The following SPTBN1 variants were observed in gnomAD, a reference collection of about 807,000 sequenced individuals.
SPTBN1 encodes spectrin beta, non-erythrocytic 1, also known as spectrin beta chain, non-erythrocytic 1.
SPTBN1 carries 32 observed loss-of-function variants against 266.4 expected under a neutral mutation model. That is an observed-to-expected ratio of 0.12 (90% CI 0.09 to 0.16). The LOEUF (loss-of-function observed/expected upper bound fraction) is 0.16. Among genes scored for constraint, SPTBN1 ranks in the 10% least tolerant of loss-of-function variants. The pLI is 1.00. For missense variants in SPTBN1, 2,296 were observed against 3,067.1 expected, an observed-to-expected ratio of 0.75 and a Z score of 5.94; for synonymous variants, 1,336 against 1,162.2, an observed-to-expected ratio of 1.15 and a Z score of -3.04.
intron 1 of SPTBN1, among the ~76,000 whole-genome samples, chr2:54,463,836 A>G (rs1409592591): frequency 6.6e-6 from 1 of 152,234 alleles, no homozygotes; most frequent in Non-Finnish European, 1.5e-5. Context: ...ATGTCAAAAT[A>G]ATAGGAAAGG....
At chr2:54,518,636 A>G (rs1670254603) in intron 1 of SPTBN1, among the ~76,000 whole-genome samples, 1 of 152,174 alleles carries the variant, frequency 6.6e-6, no homozygotes, top group Non-Finnish European at 1.5e-5. Context: ...CAAGTCTTTT[A>G]TGAATAAAGT....
At chr2:54,490,107 G>A (rs923232223) in intron 1 of SPTBN1, among the ~76,000 whole-genome samples, 2 of 148,182 alleles carry the variant, frequency 1.3e-5, no homozygotes, top group Non-Finnish European at 3.0e-5. Context: ...GTGAGGCGGA[G>A]TTGCACTTGT....
intron 3 of SPTBN1, among the ~76,000 whole-genome samples, chr2:54,604,984 C>G (rs531233791): frequency 8.5e-5 from 13 of 152,302 alleles, no homozygotes; most frequent in African/African-American, 3.1e-4. Flanking sequence ...AGAAGTGACA[C>G]AGAAGTGCAC....
chr2:54,498,875 G>T (rs984709244), intron 1 of SPTBN1, among the ~76,000 whole-genome samples: 1 of 152,180 alleles, frequency 6.6e-6, no homozygotes. Context: ...TAATAAAAGG[G>T]TAACGGTCCC....
intron 2 of SPTBN1, among the ~76,000 whole-genome samples, chr2:54,590,690 G>A (rs1675615752): frequency 6.6e-6 from 1 of 152,198 alleles, no homozygotes; most frequent in Admixed American, 6.5e-5. Flanking sequence ...AAGCAAAGAT[G>A]GGAAAAAGCA....
intron 27 of SPTBN1, 52 bp from the exon 28 acceptor site, chr2:54,655,018 A>AT (rs1680554833): frequency 1.3e-6 from 2 of 1,567,294 alleles, no homozygotes; most frequent in African/African-American, 2.7e-5. Flanking sequence ...AAACCTACAC[A>AT]TTTTTTGAAA....
intron 2 of SPTBN1, among the ~76,000 whole-genome samples, chr2:54,566,883 G>A (rs1398471088): frequency 6.6e-6 from 1 of 152,150 alleles, no homozygotes; most frequent in African/African-American, 2.4e-5. Context: ...CAGAGAACCT[G>A]CCATTTAAAA....
intron 1 of SPTBN1, among the ~76,000 whole-genome samples, chr2:54,500,669 C>T (rs1258701950): frequency 6.6e-6 from 1 of 152,184 alleles, no homozygotes; most frequent in Non-Finnish European, 1.5e-5. Flanking sequence ...CCTCAGCCTC[C>T]TGTAGTAGCT....
chr2:54,579,901 A>G lies in SPTBN1; in HGVS notation c.149-19191A>G, dbSNP rs184368987. 8.5e-5 allele frequency among the ~76,000 whole-genome samples: 13 copies of G among 152,340 alleles called. No homozygotes were observed. In the East Asian group the frequency reaches 1.2e-3, roughly 14 times the overall value. Reference sequence around the variant, plus strand: ...ACTTTGGAAACAGGTTATAAACCCAAACCTCTGTGCTGAACTTGAATGGGT... The same window carrying G: ...ACTTTGGAAACAGGTTATAAACCCAGACCTCTGTGCTGAACTTGAATGGGT... On this transcript the variant is annotated intron_variant, in intron 2 of 35. Coordinates refer to ENST00000356805, the MANE Select transcript of SPTBN1 (RefSeq NM_003128.3).
chr2:54,505,768 G>C (rs975714103), intron 1 of SPTBN1, among the ~76,000 whole-genome samples: 3 of 152,270 alleles, frequency 2.0e-5, no homozygotes, highest in Middle Eastern at 3.4e-3. Flanking sequence ...TTCACATTGA[G>C]CTTGCCACGT....
Position 54,653,685 on chromosome 2 carries a change from G to A in SPTBN1, c.5654G>A (p.Arg1885His), listed in dbSNP as rs767197512. The change falls in exon 27 of 36, where the codon CGC (arginine) becomes CAC (histidine). Residue 1885 changes from arginine (R) to histidine (H), a missense_variant. This residue lies in a region of SPTBN1 where 644 missense variants were observed against 745.3 expected (regional missense o/e 0.86). Coordinates refer to ENST00000356805, the MANE Select transcript of SPTBN1 (RefSeq NM_003128.3). This position sits in a 1 kb window ranked among gnomAD's most constrained non-coding sequence, Gnocchi z 5.1. ...AGDKADDIQK[R>H]ENEVLEAWKS... is the part of the protein sequence containing the mutation. ...GACAAGGCCGACGATATCCAGAAGC[G>A]CGAGAACGAGGTCCTGGAAGCCTGG... 96 of 1,614,056 alleles carry A rather than the reference G, an allele frequency of 5.9e-5. No individual in the cohort carries two copies. The highest frequency in any genetic ancestry group is 1.3e-4 in the African/African-American group (10 of 74,928).
chr2:54,578,589 T>C (rs1386476167), intron 2 of SPTBN1, among the ~76,000 whole-genome samples: 3 of 152,220 alleles, frequency 2.0e-5, no homozygotes, highest in Non-Finnish European at 2.9e-5. Context: ...TCCTTACGTG[T>C]TCAGCCTTAC....
intron 1 of SPTBN1, among the ~76,000 whole-genome samples, chr2:54,486,858 T>C (rs1573250224): frequency 6.6e-6 from 1 of 152,214 alleles, no homozygotes; most frequent in East Asian, 1.9e-4. Context: ...CCAGGTGTGG[T>C]GGCAAGAGCC....
chr2:54,568,423 T>TG (rs1233501529), intron 2 of SPTBN1, among the ~76,000 whole-genome samples: 1 of 151,398 alleles, frequency 6.6e-6, no homozygotes, highest in Non-Finnish European at 1.5e-5. Flanking sequence ...CTAACTCCTA[T>TG]GAACAGACAA....
At chr2:54,603,451 A>G (rs1364716992) in intron 3 of SPTBN1, among the ~76,000 whole-genome samples, 1 of 152,188 alleles carries the variant, frequency 6.6e-6, no homozygotes, top group African/African-American at 2.4e-5. Flanking sequence ...CTTTACAGAA[A>G]ACAGTTACCA....
In SPTBN1 at chr2:54,655,907, C is replaced by A; in HGVS notation, c.5962-7C>A. On this transcript the variant is annotated splice_region_variant and splice_polypyrimidine_tract_variant and intron_variant, in intron 28 of 35. Transcript: ENST00000356805. The stretch of plus-strand genomic sequence containing the variant: ...AAGATGTCCCGGGGATCCTCTTTTT[C>A]ATACAGATCAAGGAAAAATTACTGC... 6.2e-7 allele frequency: 1 copy of A among 1,610,654 alleles called. No individual in the cohort carries two copies. The highest frequency in any genetic ancestry group is 1.1e-5 in the South Asian group (1 of 90,782).
At position 54,466,418 on chromosome 2, in the gene SPTBN1, C is replaced by T. The variant is rs1224272020; in HGVS notation, c.-48+9900C>T. Among the ~76,000 whole-genome samples the T allele has an allele frequency of 1.1e-4, 3 of 26,264 alleles. 1 individual carries two copies. Among genetic ancestry groups the T allele is most frequent in the East Asian group, 1.4e-3 (1 of 692 alleles). 17.2% of individuals were successfully genotyped at this position (26,264 alleles called of 152,430 possible). On this transcript the variant is annotated intron_variant, in intron 1 of 35. Coordinates refer to ENST00000356805, the MANE Select transcript of SPTBN1 (RefSeq NM_003128.3). ...TCTACTAAAAATACAAAAAATTAGC[C>T]GGGCGTGGTAGCGGGCGCCTGTAGT...
chr2:54,522,993 T>C (rs1046807321), intron 1 of SPTBN1, among the ~76,000 whole-genome samples: 5 of 152,186 alleles, frequency 3.3e-5, no homozygotes, highest in East Asian at 1.9e-4. Context: ...TTTCAGAATT[T>C]GGGATTAATA....
chr2:54,645,472 C>A lies in SPTBN1; in HGVS notation c.4494+19C>A. The A allele has an allele frequency of 6.2e-7, 1 of 1,610,632 alleles. No individual in the cohort carries two copies. The highest frequency in any genetic ancestry group is 8.5e-7 in the Non-Finnish European group (1 of 1,177,426). Reference sequence around the variant, plus strand: ...CGAGATCGTGAGTCGACCCCTACTGCACACATGGCTTTTCCACGAGCCCCC... The same window carrying A: ...CGAGATCGTGAGTCGACCCCTACTGAACACATGGCTTTTCCACGAGCCCCC... On this transcript the variant is annotated intron_variant, in intron 21 of 35. Transcript: ENST00000356805. This position sits in a 1 kb window ranked among gnomAD's most constrained non-coding sequence, Gnocchi z 4.3.
Sources: allele counts gnomAD v4.1 joint callset (sites outside exome capture counted in the v4.1 genomes callset), GRCh38; gene constraint gnomAD v4.1.1; regional missense constraint gnomAD v4.1.1; non-coding constraint Gnocchi (gnomAD v3.1); transcripts MANE v1.5; gene names NCBI Gene and HGNC (gene_info 2026-07-23, HGNC 2026-07-21).